PCSK2: variants seen among roughly 807,000 people sequenced by gnomAD.
PCSK2 encodes neuroendocrine convertase 2.
In PCSK2, 14 loss-of-function variants were observed where a neutral mutation model predicts 69.7. The ratio of observed to expected loss-of-function variants is 0.20; its 90% CI spans 0.13 to 0.31. PCSK2 has a LOEUF of 0.31. Ranked by LOEUF, PCSK2 falls within the 10% of genes least tolerant of loss-of-function variation. The pLI, the probability that PCSK2 is intolerant of heterozygous loss-of-function variation, is 1.00. For missense variants in PCSK2, 544 were observed against 842.5 expected, an observed-to-expected ratio of 0.65 and a Z score of 4.39; for synonymous variants, 307 against 320.7, an observed-to-expected ratio of 0.96 and a Z score of 0.46.
chr20:17,407,413 A>C (rs1428795745), intron 5 of PCSK2, among the ~76,000 whole-genome samples: 1 of 152,152 alleles, frequency 6.6e-6, no homozygotes, highest in Non-Finnish European at 1.5e-5. Flanking sequence ...CTTAAGTTTC[A>C]ATCTCAGCTT....
intron 2 of PCSK2, among the ~76,000 whole-genome samples, chr20:17,298,222 T>C (rs1326112198): frequency 2.0e-5 from 3 of 152,358 alleles, no homozygotes; most frequent in Non-Finnish European, 2.9e-5. Flanking sequence ...TCCTCTGTAC[T>C]TGACTACTTT....
At chr20:17,318,527 A>C (rs1989762284) in intron 2 of PCSK2, among the ~76,000 whole-genome samples, 1 of 152,228 alleles carries the variant, frequency 6.6e-6, no homozygotes, top group Non-Finnish European at 1.5e-5. Flanking sequence ...GAGTTGGGTA[A>C]TGTCAAGTGT....
intron 11 of PCSK2, among the ~76,000 whole-genome samples, chr20:17,468,773 A>G (rs1160688162): frequency 7.5e-6 from 1 of 133,862 alleles, no homozygotes; most frequent in Admixed American, 7.4e-5. Context: ...CCTCCCACAG[A>G]CCAGCATCCT....
In PCSK2 at chr20:17,227,189, A is replaced by T. The variant is rs531353541; in HGVS notation, c.-117A>T. 4 of 663,986 alleles carry T rather than the reference A, an allele frequency of 6.0e-6. No homozygotes were observed. The highest frequency in any genetic ancestry group is 1.0e-5 in the Non-Finnish European group (4 of 388,144). The allele number at this position is 663,986 out of a possible 1,614,324, so 41.1% of individuals were successfully genotyped here. On this transcript the variant is annotated 5_prime_UTR_variant, in exon 1 of 12. Coordinates refer to ENST00000262545, the MANE Select transcript of PCSK2 (RefSeq NM_002594.5). The stretch of plus-strand genomic sequence containing the variant: ...AAGACCCTGTTCAGTCTCTTTCTCT[A>T]TACAAAGATTTTTTTAAAAACTATA...
chr20:17,287,763 C>A (rs1286715797), intron 2 of PCSK2, among the ~76,000 whole-genome samples: 1 of 152,186 alleles, frequency 6.6e-6, no homozygotes, highest in African/African-American at 2.4e-5. Flanking sequence ...CCCTGGCCAG[C>A]CAGTATTCCC....
intron 10 of PCSK2, among the ~76,000 whole-genome samples, chr20:17,458,447 G>A (rs956575684): frequency 6.6e-6 from 1 of 152,158 alleles, no homozygotes; most frequent in Non-Finnish European, 1.5e-5. Context: ...GTCAGTCATC[G>A]GCTAAGAGCT....
At position 17,467,206 on chromosome 20, in the gene PCSK2, C is replaced by T. The variant is rs149214847; in HGVS notation, c.1430+1653C>T. Among the ~76,000 whole-genome samples, 372 of 152,312 alleles carry T rather than the reference C, an allele frequency of 2.4e-3. 2 individuals carry two copies. Among genetic ancestry groups the T allele is most frequent in the African/African-American group, 8.4e-3 (349 of 41,584 alleles). ...TCACCAACTTAGACAATACTTTTGA[C>T]ATTTCTGACCCTCTGCTTTAGCAAT... On this transcript the variant is annotated intron_variant, in intron 11 of 11. Coordinates refer to ENST00000262545, the MANE Select transcript of PCSK2 (RefSeq NM_002594.5).
At chr20:17,361,583 C>A (rs1240452092) in intron 4 of PCSK2, among the ~76,000 whole-genome samples, 1 of 152,188 alleles carries the variant, frequency 6.6e-6, no homozygotes, top group African/African-American at 2.4e-5. Context: ...ACAGTTGAGC[C>A]TTTCCCATCC....
intron 5 of PCSK2, among the ~76,000 whole-genome samples, chr20:17,391,736 A>G (rs560858568): frequency 2.0e-5 from 3 of 152,158 alleles, no homozygotes; most frequent in African/African-American, 7.2e-5. Flanking sequence ...GTATGGTGAC[A>G]TATGGGTGCC....
intron 2 of PCSK2, among the ~76,000 whole-genome samples, chr20:17,324,601 AC>A (rs1568603377): frequency 6.6e-6 from 1 of 151,852 alleles, no homozygotes; most frequent in African/African-American, 2.4e-5. Flanking sequence ...GGTCCTGATC[AC>A]CCTCTTCCTG....
Position 17,288,493 on chromosome 20 carries a change from G to A in PCSK2, c.282+28149G>A, listed in dbSNP as rs962371450. Among the ~76,000 whole-genome samples the A allele has an allele frequency of 4.7e-4, 72 of 152,298 alleles. 1 individual carries two copies. The highest frequency in any genetic ancestry group is 1.6e-3 in the African/African-American group (67 of 41,556). ...CCACTAATGGCTGCAGCAATGCCACGGCTCATGTTCTGGGCTGAATTGTTT... is the reference window on the plus strand; with the variant it reads ...CCACTAATGGCTGCAGCAATGCCACAGCTCATGTTCTGGGCTGAATTGTTT... On this transcript the variant is annotated intron_variant, in intron 2 of 11. Transcript: ENST00000262545.
chr20:17,336,484 A>C (rs76047087), intron 2 of PCSK2, among the ~76,000 whole-genome samples: 1,835 of 152,270 alleles, frequency 0.012, 35 homozygotes, highest in African/African-American at 0.042. Flanking sequence ...AATGGGTAGA[A>C]ATATTGATTT....
At chr20:17,226,535 G>GAGAGAGAA (rs1295668025), upstream of PCSK2, among the ~76,000 whole-genome samples, 2 of 47,694 alleles carry the variant, frequency 4.2e-5, no homozygotes, top group African/African-American at 2.6e-4. Flanking sequence ...GAGAGAGAAA[G>GAGAGAGAA]AGAGAGAGAG....
At chr20:17,452,646 T>A (rs2032848706) in intron 8 of PCSK2, among the ~76,000 whole-genome samples, 1 of 152,250 alleles carries the variant, frequency 6.6e-6, no homozygotes, top group Non-Finnish European at 1.5e-5. Context: ...CAAGCCACCC[T>A]GGGCCAGGCT....
intron 7 of PCSK2, among the ~76,000 whole-genome samples, chr20:17,433,839 TC>T (rs763993221): frequency 5.0e-4 from 27 of 54,514 alleles, no homozygotes; most frequent in South Asian, 9.8e-4. Flanking sequence ...CTCCTCCTCC[TC>T]CCCCCCTTCC....
At chr20:17,277,477 C>A (rs1318494221) in intron 2 of PCSK2, among the ~76,000 whole-genome samples, 9 of 152,272 alleles carry the variant, frequency 5.9e-5, no homozygotes. Context: ...GAAAGGATTC[C>A]CGATTTAATA....
intron 2 of PCSK2, among the ~76,000 whole-genome samples, chr20:17,344,565 AAACT>A: frequency 6.6e-6 from 1 of 152,190 alleles, no homozygotes; most frequent in Non-Finnish European, 1.5e-5. Flanking sequence ...TCCAAAAATT[AAACT>A]AACACACTCT....
chr20:17,429,257 C>T (rs1011365754), intron 6 of PCSK2, among the ~76,000 whole-genome samples, 178 bp from the exon 7 acceptor site: 1 of 152,050 alleles, frequency 6.6e-6, no homozygotes, highest in Non-Finnish European at 1.5e-5. Context: ...ATGGTTTGCT[C>T]AGCACTTTAA....
At chr20:17,408,720 T>C (rs894484570) in intron 5 of PCSK2, among the ~76,000 whole-genome samples, 1 of 152,184 alleles carries the variant, frequency 6.6e-6, no homozygotes, top group African/African-American at 2.4e-5. Flanking sequence ...GTTGAGTGAA[T>C]AAATAAGGTC....
Sources: gnomAD v4.1 joint callset for allele counts (sites outside exome capture counted in the v4.1 genomes callset) on GRCh38, gnomAD v4.1.1 for gene constraint, MANE v1.5 for transcripts, NCBI Gene and HGNC (gene_info 2026-07-23, HGNC 2026-07-21) for gene names.